Variants in TECR observed in about 807,000 individuals in gnomAD.
TECR encodes very-long-chain enoyl-CoA reductase.
In TECR, 19 loss-of-function variants were observed where a neutral mutation model predicts 50.6. That is an observed-to-expected ratio of 0.38 (90% CI 0.26 to 0.55). TECR has a LOEUF of 0.55. Ranked by LOEUF, TECR falls within the 20% of genes least tolerant of loss-of-function variation. TECR has a pLI of 0.79. For missense variants in TECR, 313 were observed against 408.3 expected (o/e 0.77, Z 2.01); for synonymous variants, 168 against 163.5 (o/e 1.03, Z -0.21).
intron 1 of TECR, among the ~76,000 whole-genome samples, chr19:14,543,198 AC>A (rs1469361949): frequency 1.4e-4 from 20 of 145,062 alleles, no homozygotes; most frequent in Admixed American, 1.3e-3. Context: ...TTCCCCAGAC[AC>A]CTCAAGTGTC....
At chr19:14,537,119 G>A (rs1001401274) in intron 1 of TECR, among the ~76,000 whole-genome samples, 3 of 144,008 alleles carry the variant, frequency 2.1e-5, no homozygotes, top group Admixed American at 7.1e-5. Context: ...CTGAGGTGGA[G>A]GAGGTGGTTC....
At chr19:14,543,196 ACAC>A (rs2073160478) in intron 1 of TECR, among the ~76,000 whole-genome samples, 1 of 148,086 alleles carries the variant, frequency 6.8e-6, no homozygotes, top group African/African-American at 2.5e-5. Context: ...GTTTCCCCAG[ACAC>A]CTCAAGTGTC....
At position 14,564,234 on chromosome 19, in the gene TECR, C is replaced by A. The variant is rs1436591621; in HGVS notation, c.436C>A (p.Leu146Ile). 1.2e-6 allele frequency: 2 copies of A among 1,607,956 alleles called. No homozygotes were observed. The highest frequency in any genetic ancestry group is 1.7e-6 in the Non-Finnish European group (2 of 1,179,854). ...FHYIKRLLET[L>I]FVHRFSHGTM... is the part of the protein sequence containing the mutation. Reference sequence around the variant, plus strand: ...CTACATCAAGCGCCTGCTGGAGACGCTCTTCGTGCACCGCTTCTCCCATGG... The same window carrying A: ...CTACATCAAGCGCCTGCTGGAGACGATCTTCGTGCACCGCTTCTCCCATGG... Residue 146 changes from leucine (L) to isoleucine (I), a missense_variant, in exon 7 of 13, where the codon CTC (leucine) becomes ATC (isoleucine). Coordinates refer to ENST00000215567, the MANE Select transcript of TECR (RefSeq NM_138501.6).
In TECR at chr19:14,562,393, G is replaced by A. The variant is rs1045249231; in HGVS notation, c.16-132G>A. On this transcript the variant is annotated intron_variant, in intron 1 of 12. Coordinates refer to ENST00000215567, the MANE Select transcript of TECR (RefSeq NM_138501.6). ...CCGAGTGGCAGGGCTGGTGGCAGGC[G>A]GCATGGACTTGAACTTGAGCTTGTT... 2.0e-5 allele frequency: 18 copies of A among 909,504 alleles called. No homozygotes were observed. The East Asian group carries it at 2.8e-4, about 14-fold the overall frequency. 56.3% of individuals were successfully genotyped at this position (909,504 alleles called of 1,614,324 possible).
intron 1 of TECR, among the ~76,000 whole-genome samples, chr19:14,541,430 G>T (rs745498533): frequency 6.6e-6 from 1 of 152,218 alleles, no homozygotes; most frequent in Non-Finnish European, 1.5e-5. Context: ...CACAGGTTGT[G>T]GGCAGGTCCT....
At chr19:14,550,931 C>T (rs2073477524) in intron 1 of TECR, among the ~76,000 whole-genome samples, 4 of 152,030 alleles carry the variant, frequency 2.6e-5, no homozygotes, top group Non-Finnish European at 5.9e-5. Flanking sequence ...CTTGGCCTCC[C>T]AGAGTACTGG....
intron 1 of TECR, chr19:14,530,801 T>C (rs896923391): frequency 6.6e-6 from 1 of 152,154 alleles, no homozygotes; most frequent in African/African-American, 2.4e-5. Flanking sequence ...AAATTTACCA[T>C]CTTGACTATT....
intron 1 of TECR, among the ~76,000 whole-genome samples, chr19:14,533,021 G>A (rs1242741220): frequency 6.6e-6 from 1 of 152,216 alleles, no homozygotes; most frequent in South Asian, 2.1e-4. Context: ...GCTGAGGAAT[G>A]AGAATCACTT....
chr19:14,564,470 T>C (rs1369341332), intron 7 of TECR, among the ~76,000 whole-genome samples, 183 bp downstream of exon 7: 6 of 43,548 alleles, frequency 1.4e-4, no homozygotes, highest in African/African-American at 4.6e-4. Flanking sequence ...CCGCCCGTCC[T>C]CCCCAGCCCC....
At chr19:14,554,020 G>A (rs2073631869) in intron 1 of TECR, among the ~76,000 whole-genome samples, 1 of 152,210 alleles carries the variant, frequency 6.6e-6, no homozygotes, top group Non-Finnish European at 1.5e-5. Context: ...GCCTGCCGGA[G>A]CTTTGAGCTC....
chr19:14,536,925 C>A (rs988027044), intron 1 of TECR, among the ~76,000 whole-genome samples: 4 of 148,394 alleles, frequency 2.7e-5, no homozygotes, highest in African/African-American at 5.0e-5. Context: ...GCCCTACTCA[C>A]CTCTGGACCT....
At position 14,565,767 on chromosome 19, in the gene TECR, T is replaced by A. The variant is rs928402871; in HGVS notation, c.823T>A (p.Phe275Ile). ...LPVALFSLVG[F>I]TQMTIWAKGK... ...AGTGGCCCTGTTCTCCCTGGTGGGC[T>A]TCACCCAGATGACCATCTGGGCCAA... Residue 275 changes from phenylalanine to isoleucine, a missense_variant, in exon 13 of 13, where the codon TTC (phenylalanine) becomes ATC (isoleucine). Transcript: ENST00000215567. The A allele has an allele frequency of 6.2e-7, 1 of 1,611,408 alleles. No individual in the cohort carries two copies. Among genetic ancestry groups the A allele is most frequent in the African/African-American group, 1.3e-5 (1 of 75,026 alleles).
chr19:14,553,663 C>T (rs949133818), intron 1 of TECR, among the ~76,000 whole-genome samples: 1 of 152,116 alleles, frequency 6.6e-6, no homozygotes, highest in Non-Finnish European at 1.5e-5. Flanking sequence ...GCCGCTGAGC[C>T]GGAGTCCAGA....
At chr19:14,552,145 T>TTTTCTTTC (rs141646907) in intron 1 of TECR, among the ~76,000 whole-genome samples, 7 of 148,264 alleles carry the variant, frequency 4.7e-5, no homozygotes, top group South Asian at 2.2e-4. Context: ...GGCCTTTTTC[T>TTTTCTTTC]TTTCTTTCTT....
chr19:14,540,532 C>T (rs1315328813), intron 1 of TECR, among the ~76,000 whole-genome samples: 1 of 152,074 alleles, frequency 6.6e-6, no homozygotes, highest in Non-Finnish European at 1.5e-5. Flanking sequence ...GCTGGGATTA[C>T]TGGTGCCCAC....
At chr19:14,554,904 G>A (rs1568419452) in intron 1 of TECR, among the ~76,000 whole-genome samples, 1 of 151,818 alleles carries the variant, frequency 6.6e-6, no homozygotes, top group Non-Finnish European at 1.5e-5. Context: ...TCAGCCTCCT[G>A]AGTAGCTGGG....
intron 1 of TECR, chr19:14,561,937 C>T (rs4926132): frequency 0.55 from 101,874 of 185,424 alleles, 28,540 homozygotes; most frequent in African/African-American, 0.61. Context: ...CTGCACGGCC[C>T]GCTGGCCTCT....
chr19:14,542,347 G>GTTTTTTTTTT (rs71166754), intron 1 of TECR, among the ~76,000 whole-genome samples: 710 of 43,278 alleles, frequency 0.016, 161 homozygotes, highest in Middle Eastern at 0.043. Context: ...ATGCCATAGT[G>GTTTTTTTTTT]TTTTTTTTTT....
At chr19:14,529,809 G>A in intron 1 of TECR, 98 bp downstream of exon 1, 1 of 1,570,644 alleles carries the variant, frequency 6.4e-7, no homozygotes. Flanking sequence ...CCTGTGCCCC[G>A]AAGGAAGAGC....
Sources: gnomAD v4.1 joint callset for allele counts (sites outside exome capture counted in the v4.1 genomes callset) on GRCh38, gnomAD v4.1.1 for gene constraint, MANE v1.5 for transcripts, NCBI Gene and HGNC (gene_info 2026-07-23, HGNC 2026-07-21) for gene names.